Variants in RNLS observed in about 807,000 individuals in gnomAD.
The protein encoded by RNLS is renalase, FAD dependent amine oxidase, also known as renalase.
In RNLS, 39 loss-of-function variants were observed where a neutral mutation model predicts 39.8. That is an observed-to-expected ratio of 0.98 (90% CI 0.76 to 1.28). The LOEUF is 1.28. Among genes scored for constraint, RNLS ranks in the 50% most tolerant of loss-of-function variants. The probability of loss-of-function intolerance (pLI) is 0.00; values close to 1 mark genes in which losing one functional copy is unlikely to be tolerated. For synonymous variants in RNLS, 147 were observed against 150.7 expected, an observed-to-expected ratio of 0.98 and a Z score of 0.18; for missense variants, 410 against 413.3, an observed-to-expected ratio of 0.99 and a Z score of 0.07.
At chr10:88,311,296 A>G (rs1329943645) in intron 6 of RNLS, among the ~76,000 whole-genome samples, 1 of 152,194 alleles carries the variant, frequency 6.6e-6, no homozygotes, top group Non-Finnish European at 1.5e-5. Context: ...AGGTACATGG[A>G]AAGACATTTT....
chr10:88,475,202 C>T (rs1033781250), intron 4 of RNLS, among the ~76,000 whole-genome samples: 1 of 152,134 alleles, frequency 6.6e-6, no homozygotes, highest in African/African-American at 2.4e-5. Context: ...GTAGAGTTAG[C>T]CCAATTTCAT....
intron 4 of RNLS, among the ~76,000 whole-genome samples, chr10:88,509,263 T>C (rs1341147496): frequency 1.3e-5 from 2 of 152,144 alleles, no homozygotes; most frequent in Non-Finnish European, 2.9e-5. Context: ...GACAGGCAAC[T>C]GTTGCACATT....
downstream of RNLS, among the ~76,000 whole-genome samples, chr10:88,281,128 G>A (rs987719212): frequency 2.6e-5 from 4 of 152,158 alleles, no homozygotes; most frequent in Admixed American, 6.5e-5. Flanking sequence ...CAGCAGTTTG[G>A]TCCTGCACCA....
chr10:88,203,256 G>A, the RNLS span, among the ~76,000 whole-genome samples: 133 of 9,126 alleles, frequency 0.015, 13 homozygotes, highest in Middle Eastern at 0.083. Context: ...GTGTGTGTGT[G>A]TGTGTGTGTA....
intron 4 of RNLS, among the ~76,000 whole-genome samples, chr10:88,447,798 A>T (rs1842130786): frequency 6.6e-6 from 1 of 152,234 alleles, no homozygotes; most frequent in African/African-American, 2.4e-5. Flanking sequence ...GGGTACTGGT[A>T]CCAAAACAGA....
At position 88,314,447 on chromosome 10, in the gene RNLS, C is replaced by T. The variant is rs779408804; in HGVS notation, c.876+19G>A. On this transcript the variant is annotated intron_variant, in intron 6 of 6. Coordinates refer to ENST00000331772, the MANE Select transcript of RNLS (RefSeq NM_001031709.3). ...GTTAAGAAAATTGTTGTGCTTAGAC[C>T]ACTGGATTCTTTGATTACCTGTGAA... is the stretch of plus-strand genomic sequence containing the variant. 4 of 1,611,850 alleles carry T rather than the reference C, an allele frequency of 2.5e-6. No homozygotes were observed. Among genetic ancestry groups the T allele is most frequent in the Non-Finnish European group, 3.4e-6 (4 of 1,178,796 alleles).
chr10:88,501,716 C>A (rs1348878108), intron 4 of RNLS, among the ~76,000 whole-genome samples: 4 of 152,118 alleles, frequency 2.6e-5, no homozygotes, highest in Non-Finnish European at 4.4e-5. Flanking sequence ...TAACCTAAAA[C>A]CCTGGTACTC....
the RNLS span, among the ~76,000 whole-genome samples, chr10:88,199,228 G>A: frequency 6.6e-6 from 1 of 152,198 alleles, no homozygotes; most frequent in Non-Finnish European, 1.5e-5. Flanking sequence ...GGGAGACACT[G>A]CTGTGCGGTG....
intron 4 of RNLS, among the ~76,000 whole-genome samples, chr10:88,411,563 A>G (rs1301611940): frequency 6.6e-6 from 1 of 151,674 alleles, no homozygotes; most frequent in African/African-American, 2.4e-5. Flanking sequence ...TTTGTATGCC[A>G]AAGCACTAAC....
At chr10:88,502,357 A>G (rs1416911847) in intron 4 of RNLS, among the ~76,000 whole-genome samples, 1 of 150,158 alleles carries the variant, frequency 6.7e-6, no homozygotes, top group East Asian at 2.0e-4. Context: ...GGAGGTGAGG[A>G]GGGGGAATAG....
chr10:88,285,735 AT>A (rs1843220309), intron 6 of RNLS, among the ~76,000 whole-genome samples: 1 of 152,058 alleles, frequency 6.6e-6, no homozygotes, highest in African/African-American at 2.4e-5. Flanking sequence ...AAATGTTTAA[AT>A]TTTCAGTTAT....
At chr10:88,494,349 T>C (rs994975750) in intron 4 of RNLS, among the ~76,000 whole-genome samples, 1 of 152,140 alleles carries the variant, frequency 6.6e-6, no homozygotes, top group Non-Finnish European at 1.5e-5. Flanking sequence ...GACATTTTCT[T>C]CAGTCATGCC....
At chr10:88,327,236 G>A (rs1252268553) in intron 5 of RNLS, among the ~76,000 whole-genome samples, 4 of 152,144 alleles carry the variant, frequency 2.6e-5, no homozygotes, top group Non-Finnish European at 5.9e-5. Context: ...CATGAGATTT[G>A]GGAGGGGCCA....
intron 4 of RNLS, among the ~76,000 whole-genome samples, chr10:88,448,585 A>C (rs1183220849): frequency 6.6e-6 from 1 of 152,232 alleles, no homozygotes; most frequent in Non-Finnish European, 1.5e-5. Flanking sequence ...TGTGGAAGAC[A>C]GTGTGGCGAT....
chr10:88,388,793 C>T (rs1852018792), intron 4 of RNLS, among the ~76,000 whole-genome samples: 1 of 152,160 alleles, frequency 6.6e-6, no homozygotes. Flanking sequence ...AATCAAACTC[C>T]ATTAAGACAA....
rs1853212985 is a variant in RNLS at position 88,405,587 on chromosome 10, C to G, written c.527-42862G>C. 3.3e-5 allele frequency among the ~76,000 whole-genome samples: 5 copies of G among 151,968 alleles called. No homozygotes were observed. The South Asian group carries it at 1.0e-3, about 32-fold the overall frequency. ...ACCCTTTACTTAAATTTTTTTGAGT[C>G]CTTATGTGTTAGGTGAGTCTCCTGA... is the stretch of plus-strand genomic sequence containing the variant. On this transcript the variant is annotated intron_variant, in intron 4 of 6. Coordinates refer to ENST00000331772, the MANE Select transcript of RNLS (RefSeq NM_001031709.3).
rs1843135430 is a variant in RNLS at position 88,284,448 on chromosome 10, A to G, written c.*906T>C. ...AGTCGTGGGGTCAGGTCACTGAAGC[A>G]TGTGGGTGATATGCTGAACCACCAA... On this transcript the variant is annotated 3_prime_UTR_variant, in exon 7 of 7. Transcript: ENST00000331772. The G allele has an allele frequency of 2.0e-6, 2 of 985,262 alleles. 1 individual carries two copies. Among genetic ancestry groups the G allele is most frequent in the South Asian group, 9.4e-5 (2 of 21,290 alleles). 61.0% of individuals were successfully genotyped at this position (985,262 alleles called of 1,614,324 possible). A position where few individuals can be genotyped will look rare whatever the true frequency, so the allele number is the denominator to read the frequency against.
rs567545077 is a variant in RNLS, at chr10:88,368,953, C to G, written c.527-6228G>C. Among the ~76,000 whole-genome samples the G allele has an allele frequency of 2.0e-5, 3 of 152,156 alleles. No individual in the cohort carries two copies. In the East Asian group the frequency reaches 5.8e-4, roughly 29 times the overall value. ...TTGTTACTTGCTAGGAAGAATAGAT[C>G]TCGCTTTGGTTCTAATATAGTAAGA... On this transcript the variant is annotated intron_variant, in intron 4 of 6. Coordinates refer to ENST00000331772, the MANE Select transcript of RNLS (RefSeq NM_001031709.3).
chr10:88,184,165 G>C, the RNLS span, among the ~76,000 whole-genome samples: 1 of 152,062 alleles, frequency 6.6e-6, no homozygotes, highest in Non-Finnish European at 1.5e-5. Context: ...CACTTTCTGT[G>C]TGAGCCTATA....
Sources: gnomAD v4.1 joint callset for allele counts (sites outside exome capture counted in the v4.1 genomes callset) on GRCh38, gnomAD v4.1.1 for gene constraint, MANE v1.5 for transcripts, NCBI Gene and HGNC (gene_info 2026-07-23, HGNC 2026-07-21) for gene names.